Variants in PACS1 observed in about 807,000 individuals in gnomAD.
PACS1 encodes phosphofurin acidic cluster sorting protein 1.
Under a neutral mutation model 115.0 loss-of-function variants are expected in PACS1, and 24 were observed. The ratio of observed to expected loss-of-function variants is 0.21; its 90% CI spans 0.15 to 0.29. The LOEUF (loss-of-function observed/expected upper bound fraction) is 0.29, where lower values mean the gene tolerates loss of function less well. PACS1 is among the 10% of genes least tolerant of loss of function. PACS1 has a pLI of 1.00. For missense variants in PACS1, 838 were observed against 1,251.2 expected, an observed-to-expected ratio of 0.67 and a Z score of 4.98; for synonymous variants, 453 against 504.5, an observed-to-expected ratio of 0.90 and a Z score of 1.37.
At chr11:66,138,943 A>C (rs1218432893) in intron 1 of PACS1, among the ~76,000 whole-genome samples, 1 of 126,938 alleles carries the variant, frequency 7.9e-6, no homozygotes, top group African/African-American at 2.6e-5. Context: ...AGCCTCCCAA[A>C]GTGCTGGGAT....
chr11:66,159,431 C>T (rs1859438414), intron 1 of PACS1, among the ~76,000 whole-genome samples: 1 of 150,202 alleles, frequency 6.7e-6, no homozygotes, highest in Non-Finnish European at 1.5e-5. Flanking sequence ...GAGCAAAACT[C>T]AGTCTCAAAA....
At chr11:66,162,389 T>C (rs1349229329) in intron 1 of PACS1, among the ~76,000 whole-genome samples, 1 of 152,174 alleles carries the variant, frequency 6.6e-6, no homozygotes, top group Non-Finnish European at 1.5e-5. Context: ...CCCAAAGTGC[T>C]GGGATTACAG....
chr11:66,112,826 C>T (rs533726646), intron 1 of PACS1, among the ~76,000 whole-genome samples: 1 of 152,288 alleles, frequency 6.6e-6, no homozygotes, highest in East Asian at 1.9e-4. Context: ...CTGGAAAGAA[C>T]CCAAATGCCC....
Position 66,144,033 on chromosome 11 carries a change from T to C in PACS1, c.357-49453T>C, listed in dbSNP as rs533585135. On this transcript the variant is annotated intron_variant, in intron 1 of 23. Transcript: ENST00000320580. ...AGTGGACTGTGTGAAGTAAATGTGT[T>C]GTCACAAACTTAACGGTGTCAACAT... Among the ~76,000 whole-genome samples, 7 of 152,354 alleles carry C rather than the reference T, an allele frequency of 4.6e-5. No individual in the cohort carries two copies. In the South Asian group the frequency reaches 6.2e-4, roughly 14 times the overall value.
chr11:66,083,972 C>T (rs1166127250), intron 1 of PACS1: 1 of 152,186 alleles, frequency 6.6e-6, no homozygotes, highest in African/African-American at 2.4e-5. Context: ...GCACACATTA[C>T]AGACCAGTCA....
chr11:66,201,992 C>T (rs1854810536), intron 2 of PACS1, among the ~76,000 whole-genome samples: 1 of 151,766 alleles, frequency 6.6e-6, no homozygotes, highest in Admixed American at 6.6e-5. Flanking sequence ...ATGGATAAAC[C>T]TTTAGCCAGA....
At chr11:66,216,451 CA>C in intron 5 of PACS1, 68 bp from the exon 6 acceptor site, 4 of 1,481,086 alleles carry the variant, frequency 2.7e-6, no homozygotes, top group Non-Finnish European at 3.8e-6. Flanking sequence ...CCATTGATTC[CA>C]GCCCATCGAA....
intron 1 of PACS1, among the ~76,000 whole-genome samples, chr11:66,188,072 A>T (rs566877624): frequency 6.7e-6 from 1 of 150,230 alleles, no homozygotes; most frequent in South Asian, 2.1e-4. Context: ...AGGGATGTTG[A>T]ATTTTTTTTT....
chr11:66,126,354 G>T (rs1858571141), intron 1 of PACS1, among the ~76,000 whole-genome samples: 3 of 152,178 alleles, frequency 2.0e-5, no homozygotes, highest in African/African-American at 7.2e-5. Flanking sequence ...GTCACAACAG[G>T]TTCACAACTG....
chr11:66,121,579 A>G (rs1858442804), intron 1 of PACS1, among the ~76,000 whole-genome samples: 1 of 152,234 alleles, frequency 6.6e-6, no homozygotes, highest in East Asian at 1.9e-4. Flanking sequence ...ATGTAAAAGA[A>G]AAGTTCCTGA....
chr11:66,222,344 G>T (rs918364134), intron 10 of PACS1, among the ~76,000 whole-genome samples: 4 of 152,068 alleles, frequency 2.6e-5, no homozygotes, highest in African/African-American at 9.7e-5. Flanking sequence ...TAGTCAAGAG[G>T]TTTCCATTTT....
chr11:66,207,149 T>G (rs1854959986), intron 2 of PACS1, among the ~76,000 whole-genome samples: 1 of 152,162 alleles, frequency 6.6e-6, no homozygotes, highest in Admixed American at 6.5e-5. Context: ...GTAGGCAGTA[T>G]ATTTAAACAA....
intron 2 of PACS1, among the ~76,000 whole-genome samples, chr11:66,203,993 C>T (rs1487245033): frequency 1.3e-5 from 2 of 152,100 alleles, no homozygotes; most frequent in East Asian, 3.8e-4. Context: ...TTGATCTGGG[C>T]AGAGATTTCT....
intron 1 of PACS1, chr11:66,100,855 G>A (rs1181015920): frequency 2.2e-6 from 1 of 456,246 alleles, no homozygotes; most frequent in South Asian, 1.5e-5. Context: ...CTTTCCACGT[G>A]GCTGCTTGGC....
intron 1 of PACS1, among the ~76,000 whole-genome samples, chr11:66,149,921 G>A (rs187320494): frequency 1.3e-4 from 20 of 152,094 alleles, no homozygotes; most frequent in Admixed American, 3.9e-4. Flanking sequence ...GGCTAATTTT[G>A]TATTTTTAGT....
intron 8 of PACS1, chr11:66,220,329 GAGCTGTA>G: frequency 2.6e-6 from 1 of 385,664 alleles, no homozygotes; most frequent in Non-Finnish European, 4.7e-6. Context: ...GCCTTCCTGT[GAGCTGTA>G]AGGAGGGTAG....
At chr11:66,231,849 G>A (rs140719095) in intron 13 of PACS1, 65 of 269,674 alleles carry the variant, frequency 2.4e-4, no homozygotes, top group African/African-American at 1.2e-3. Context: ...TGGTTCTTAC[G>A]CTGCTGCCCC....
chr11:66,149,697 TGTG>T (rs1190207478), intron 1 of PACS1, among the ~76,000 whole-genome samples: 5 of 152,142 alleles, frequency 3.3e-5, no homozygotes, highest in Non-Finnish European at 4.4e-5. Context: ...TGTGTGTGTG[TGTG>T]TGTGTGTTTT....
intron 10 of PACS1, among the ~76,000 whole-genome samples, chr11:66,223,341 G>A (rs566294478): frequency 7.3e-5 from 11 of 151,710 alleles, no homozygotes; most frequent in Admixed American, 2.6e-4. Context: ...TGATCCGCCC[G>A]CCTCAGCTTC....
Sources: allele counts gnomAD v4.1 joint callset (sites outside exome capture counted in the v4.1 genomes callset), GRCh38; gene constraint gnomAD v4.1.1; transcripts MANE v1.5; gene names NCBI Gene and HGNC (gene_info 2026-07-23, HGNC 2026-07-21).